The following AUTS2 variants were observed in gnomAD, a reference collection of about 807,000 sequenced individuals.
The protein encoded by AUTS2 is activator of transcription and developmental regulator AUTS2, also known as autism susceptibility gene 2 protein.
In AUTS2, 17 loss-of-function variants were observed where a neutral mutation model predicts 112.4. That is an observed-to-expected ratio of 0.15 (90% CI 0.10 to 0.23). AUTS2 has a LOEUF of 0.23. AUTS2 is among the 10% of genes least tolerant of loss of function. AUTS2 has a pLI of 1.00. For synonymous variants in AUTS2, 751 were observed against 702.7 expected, an observed-to-expected ratio of 1.07 and a Z score of -1.09; for missense variants, 1,510 against 1,701.6, an observed-to-expected ratio of 0.89 and a Z score of 1.98.
chr7:70,548,307 G>A (rs1167392298), intron 5 of AUTS2, among the ~76,000 whole-genome samples: 6 of 152,094 alleles, frequency 3.9e-5, no homozygotes, highest in Non-Finnish European at 5.9e-5. Context: ...TATATATTCT[G>A]TATATAAGTC....
chr7:70,709,893 TC>T lies in AUTS2; in HGVS notation c.742+11274del, dbSNP rs1341267456. 3.7e-4 allele frequency among the ~76,000 whole-genome samples: 57 copies of T among 152,238 alleles called. No homozygotes were observed. The East Asian group carries it at 4.4e-3, about 12-fold the overall frequency. On this transcript the variant is annotated intron_variant, in intron 6 of 18. Coordinates refer to ENST00000342771, the MANE Select transcript of AUTS2 (RefSeq NM_015570.4). ...TGTGAACAGGAATAAGCCTCTCTCC[TC>T]TTCAGGAGATTGCATCTGTGTAAGA...
intron 1 of AUTS2, among the ~76,000 whole-genome samples, chr7:69,780,454 C>A (rs1358275232): frequency 6.6e-6 from 1 of 152,162 alleles, no homozygotes; most frequent in Non-Finnish European, 1.5e-5. Flanking sequence ...TGTGATAGGG[C>A]CATGCTCCAT....
At chr7:70,326,294 G>A (rs1790482741) in intron 4 of AUTS2, among the ~76,000 whole-genome samples, 2 of 152,194 alleles carry the variant, frequency 1.3e-5, no homozygotes, top group African/African-American at 2.4e-5. Flanking sequence ...GGCCTGATTG[G>A]CCCTCTCCAC....
chr7:69,899,520 C>A (rs746001771), intron 2 of AUTS2, 22 bp downstream of exon 2: 1 of 1,612,182 alleles, frequency 6.2e-7, no homozygotes, highest in Non-Finnish European at 8.5e-7. Context: ...TGGGTTCGCT[C>A]TTTCCTGTGG....
chr7:70,348,282 C>T (rs11764782), intron 4 of AUTS2, among the ~76,000 whole-genome samples: 5,350 of 152,184 alleles, frequency 0.035, 132 homozygotes, highest in South Asian at 0.065. Flanking sequence ...TGGCAAAACA[C>T]GATTATACAT....
chr7:70,158,150 A>C (rs970939179), intron 4 of AUTS2, among the ~76,000 whole-genome samples: 24 of 152,152 alleles, frequency 1.6e-4, no homozygotes, highest in Admixed American at 7.9e-4. Context: ...TAGAAATTAC[A>C]GGAATGAGGA....
chr7:69,624,183 A>C (rs1793822810), intron 1 of AUTS2, among the ~76,000 whole-genome samples: 2 of 152,326 alleles, frequency 1.3e-5, no homozygotes, highest in South Asian at 2.1e-4. Context: ...GTTTCACTGA[A>C]AATATTCTCA....
At chr7:69,718,272 A>G (rs1424531883) in intron 1 of AUTS2, among the ~76,000 whole-genome samples, 1 of 152,222 alleles carries the variant, frequency 6.6e-6, no homozygotes, top group Non-Finnish European at 1.5e-5. Context: ...GCAATAATAA[A>G]TTACCACAAA....
chr7:70,649,167 G>T (rs1207825586), intron 5 of AUTS2, among the ~76,000 whole-genome samples: 1 of 152,192 alleles, frequency 6.6e-6, no homozygotes, highest in South Asian at 2.1e-4. Context: ...GAGGCAGGTG[G>T]ATTGCTTTAG....
At chr7:70,529,163 A>G (rs1380956676) in intron 5 of AUTS2, among the ~76,000 whole-genome samples, 1 of 152,206 alleles carries the variant, frequency 6.6e-6, no homozygotes, top group Non-Finnish European at 1.5e-5. Flanking sequence ...AGAAAATACC[A>G]ACACTGCAAA....
At chr7:70,764,127 T>C (rs1367854405) in intron 7 of AUTS2, among the ~76,000 whole-genome samples, 1 of 152,146 alleles carries the variant, frequency 6.6e-6, no homozygotes, top group African/African-American at 2.4e-5. Context: ...TTTGAAAACC[T>C]GGTGGCTTTG....
intron 5 of AUTS2, among the ~76,000 whole-genome samples, chr7:70,639,787 A>G (rs1805718693): frequency 6.6e-6 from 1 of 151,482 alleles, no homozygotes; most frequent in African/African-American, 2.4e-5. Flanking sequence ...TGAGGGGACT[A>G]TAAGGCCGAG....
At chr7:70,558,005 C>G (rs2129521942) in intron 5 of AUTS2, among the ~76,000 whole-genome samples, 1 of 152,302 alleles carries the variant, frequency 6.6e-6, no homozygotes, top group South Asian at 2.1e-4. Context: ...GGCTTCCCAG[C>G]CAGGTGGAGT....
At chr7:69,747,296 T>C (rs1206472410) in intron 1 of AUTS2, among the ~76,000 whole-genome samples, 2 of 152,228 alleles carry the variant, frequency 1.3e-5, no homozygotes, top group African/African-American at 4.8e-5. Flanking sequence ...TGTGTACTTC[T>C]GCTTTACAAA....
intron 4 of AUTS2, among the ~76,000 whole-genome samples, chr7:70,217,270 C>G (rs1164576808): frequency 6.6e-6 from 1 of 152,144 alleles, no homozygotes; most frequent in Non-Finnish European, 1.5e-5. Flanking sequence ...CACTGGTGTT[C>G]ACATAACCTG....
At chr7:70,458,133 C>G (rs1258589725) in intron 5 of AUTS2, among the ~76,000 whole-genome samples, 1 of 152,196 alleles carries the variant, frequency 6.6e-6, no homozygotes, top group East Asian at 1.9e-4. Context: ...ACCCCTCCTT[C>G]TAGAAGGAGC....
At chr7:69,810,819 A>G (rs907845210) in intron 1 of AUTS2, among the ~76,000 whole-genome samples, 1 of 152,222 alleles carries the variant, frequency 6.6e-6, no homozygotes, top group Non-Finnish European at 1.5e-5. Flanking sequence ...AAATTGGTTC[A>G]TCAGATACTG....
chr7:70,453,637 G>A (rs1173023581), intron 5 of AUTS2, among the ~76,000 whole-genome samples: 2 of 152,220 alleles, frequency 1.3e-5, no homozygotes, highest in Non-Finnish European at 2.9e-5. Flanking sequence ...AAGGAGAATT[G>A]TTCCTTGCCT....
rs543658465 is a variant in AUTS2 at position 70,225,960 on chromosome 7, G to C, written c.660+91389G>C. ...TATTAAAAATCCATCTCCAGCCTCT[G>C]TAAACTGTACAGAGAGCTATGAATA... On this transcript the variant is annotated intron_variant, in intron 4 of 18. Transcript: ENST00000342771. Among the ~76,000 whole-genome samples the C allele has an allele frequency of 4.6e-5, 7 of 152,238 alleles. No individual in the cohort carries two copies. The East Asian group carries it at 9.7e-4, about 21-fold the overall frequency.
Sources: allele counts gnomAD v4.1 joint callset (sites outside exome capture counted in the v4.1 genomes callset), GRCh38; gene constraint gnomAD v4.1.1; transcripts MANE v1.5; gene names NCBI Gene and HGNC (gene_info 2026-07-23, HGNC 2026-07-21).